ZBTB26: variants seen among roughly 807,000 people sequenced by gnomAD.
ZBTB26 encodes the protein zinc finger and BTB domain-containing protein 26.
In ZBTB26, 12 loss-of-function variants were observed where a neutral mutation model predicts 31.6. The ratio of observed to expected loss-of-function variants is 0.38; its 90% CI spans 0.24 to 0.61. The LOEUF is 0.61. ZBTB26 is among the 20% of genes least tolerant of loss of function. ZBTB26 has a pLI of 0.60. For synonymous variants in ZBTB26, 155 were observed against 182.9 expected (o/e 0.85, Z 1.23); for missense variants, 311 against 521.9 (o/e 0.60, Z 3.94).
chr9:122,922,818 G>A (rs528865544), intron 1 of ZBTB26, among the ~76,000 whole-genome samples: 48 of 152,222 alleles, frequency 3.2e-4, no homozygotes, highest in Non-Finnish European at 4.6e-4. Context: ...CTTGGTAACT[G>A]ACTGGATATA....
rs1389390319 is a variant in ZBTB26, at chr9:122,926,519, A to AG, written c.-11+4917_-11+4918insC. Among the ~76,000 whole-genome samples the AG allele has an allele frequency of 5.9e-3, 893 of 152,168 alleles. 13 individuals carry two copies. The highest frequency in any genetic ancestry group is 0.017 in the Middle Eastern group (5 of 294). The stretch of plus-strand genomic sequence containing the variant: ...GAGACTCCGTCTCAAAAAAAAAAAA[A>AG]AAAAAAATTGTGTAACTCTTCAGAT... On this transcript the variant is annotated intron_variant, in intron 1 of 1. Coordinates refer to ENST00000373656, the MANE Select transcript of ZBTB26 (RefSeq NM_020924.4).
chr9:122,918,774 C>T lies in ZBTB26; in HGVS notation c.1161G>A (p.Glu387=). 1 of 1,614,178 alleles carries T rather than the reference C, an allele frequency of 6.2e-7. No homozygotes were observed. The highest frequency in any genetic ancestry group is 1.7e-5 in the Admixed American group (1 of 60,028). ...HGKNSFDNAN[E]RNVQDLTVDF... is the part of the protein sequence containing the mutation. ...CCACTGTGAGGTCTTGTACATTTCTCTCATTGGCATTATCAAAGCTGTTTT... is the reference window on the plus strand; with the variant it reads ...CCACTGTGAGGTCTTGTACATTTCTTTCATTGGCATTATCAAAGCTGTTTT... The change falls in exon 2 of 2, where the codon GAG becomes GAA. Residue 387 remains glutamate (E), a synonymous_variant. Transcript: ENST00000373656.
rs747515219 is a variant in ZBTB26 at position 122,919,050 on chromosome 9, G to A, written c.885C>T (p.His295=). The A allele has an allele frequency of 6.2e-7, 1 of 1,614,244 alleles. No individual in the cohort carries two copies. The highest frequency in any genetic ancestry group is 1.1e-5 in the South Asian group (1 of 91,088). The part of the protein sequence containing the change: ...LENYANHLKM[H]KLFMCLLCGK... ...CGCAGAGTAGACACATAAAGAGTTT[G>A]TGCATTTTTAAATGGTTGGCGTAGT... is the stretch of plus-strand genomic sequence containing the variant. Residue 295 remains histidine, a synonymous_variant, in exon 2 of 2, where the codon CAC becomes CAT. Transcript: ENST00000373656. The surrounding 1 kb of genome is among the most constrained non-coding windows in gnomAD (Gnocchi z 6.1).
In ZBTB26 at chr9:122,919,152, A is replaced by G. The variant is rs140608314; in HGVS notation, c.783T>C (p.Asn261=). 5.9e-5 allele frequency: 96 copies of G among 1,614,198 alleles called. 1 individual carries two copies. The African/African-American group carries it at 1.1e-3, about 19-fold the overall frequency. The change falls in exon 2 of 2, where the codon AAT becomes AAC. Residue 261 remains asparagine (N), a synonymous_variant. Coordinates refer to ENST00000373656, the MANE Select transcript of ZBTB26 (RefSeq NM_020924.4). The surrounding 1 kb of genome is among the most constrained non-coding windows in gnomAD (Gnocchi z 6.1). ...IMASKDVFGP[N]IRGVDKGLQW... is the part of the protein sequence containing the mutation. ...GTAGGCCTTTGTCTACACCTCGAAT[A>G]TTAGGGCCAAAGACATCTTTTGAGG...
intron 1 of ZBTB26, chr9:122,931,234 G>A (rs1833279329): frequency 6.5e-6 from 1 of 152,784 alleles, no homozygotes; most frequent in Admixed American, 6.5e-5. Context: ...GGCATCCTCA[G>A]GCTCCCCACT....
In ZBTB26 at chr9:122,918,650, C is replaced by T. The variant is rs1319397646; in HGVS notation, c.1285G>A (p.Ala429Thr). 6.2e-7 allele frequency: 1 copy of T among 1,613,978 alleles called. No homozygotes were observed. The highest frequency in any genetic ancestry group is 8.5e-7 in the Non-Finnish European group (1 of 1,179,982). ...CTATCATTTCTTAAGTTCAGGACAG[C>T]TTGGGCCAGTTTACCTGCATCCAGG... ...QVLDAGKLAQ[A>T]VLNLRNDSTC... Residue 429 changes from alanine (A) to threonine (T), a missense_variant, in exon 2 of 2, where the codon GCT becomes ACT. Physicochemically the swap from Ala to Thr is moderately conservative, Grantham distance 58 (BLOSUM62 0). Coordinates refer to ENST00000373656, the MANE Select transcript of ZBTB26 (RefSeq NM_020924.4).
Position 122,917,988 on chromosome 9 carries a change from G to A in ZBTB26, c.*621C>T, listed in dbSNP as rs1833037341. Reference sequence around the variant, plus strand: ...GGTGTTCCTCAAGAGAGAGTACTCTGGTATATGTGAACAATTCAATGAGAT... The same window carrying A: ...GGTGTTCCTCAAGAGAGAGTACTCTAGTATATGTGAACAATTCAATGAGAT... On this transcript the variant is annotated 3_prime_UTR_variant, in exon 2 of 2. Transcript: ENST00000373656. The A allele has an allele frequency of 6.5e-6, 1 of 152,810 alleles. No homozygotes were observed. The highest frequency in any genetic ancestry group is 2.4e-5 in the African/African-American group (1 of 41,426). The allele number at this position is 152,810 out of a possible 1,614,324, so 9.5% of individuals were successfully genotyped here.
intron 1 of ZBTB26, among the ~76,000 whole-genome samples, chr9:122,920,364 C>T (rs1007578930): frequency 6.6e-6 from 1 of 152,148 alleles, no homozygotes; most frequent in Non-Finnish European, 1.5e-5. Flanking sequence ...CCTGCTTCTT[C>T]TAAGGCAAAA....
At chr9:122,930,924 G>A (rs529304958) in intron 1 of ZBTB26, 1 of 152,292 alleles carries the variant, frequency 6.6e-6, no homozygotes, top group Non-Finnish European at 1.5e-5. Flanking sequence ...GTTCAGATCT[G>A]GCTCCCAAAC....
At chr9:122,927,196 T>C (rs530434302) in intron 1 of ZBTB26, among the ~76,000 whole-genome samples, 17 of 152,346 alleles carry the variant, frequency 1.1e-4, no homozygotes, top group Non-Finnish European at 2.1e-4. Context: ...TTTTGAATGA[T>C]ATTTCTCAAA....
At chr9:122,925,982 A>T (rs1205497999) in intron 1 of ZBTB26, among the ~76,000 whole-genome samples, 1 of 151,382 alleles carries the variant, frequency 6.6e-6, no homozygotes, top group African/African-American at 2.4e-5. Flanking sequence ...CTGGTCTCGA[A>T]CTCCCGACCC....
chr9:122,923,811 C>T (rs555561094), intron 1 of ZBTB26, among the ~76,000 whole-genome samples: 1 of 152,278 alleles, frequency 6.6e-6, no homozygotes, highest in South Asian at 2.1e-4. Flanking sequence ...TTCATTTAGT[C>T]ATGTGTCATA....
rs1833056789 is a variant in ZBTB26, at chr9:122,919,034, G to C, written c.901C>G (p.Leu301Val). 6.2e-7 allele frequency: 1 copy of C among 1,614,206 alleles called. No homozygotes were observed. The highest frequency in any genetic ancestry group is 1.7e-5 in the Admixed American group (1 of 60,026). The part of the protein sequence containing the change: ...HLKMHKLFMC[L>V]LCGKTFTQKG... ...TGAGTGAAAGTCTTGCCGCAGAGTA[G>C]ACACATAAAGAGTTTGTGCATTTTT... Residue 301 changes from leucine to valine, a missense_variant, in exon 2 of 2, where the codon CTA (leucine) becomes GTA (valine). Physicochemically the swap from Leu to Val is conservative, Grantham distance 32. This residue lies in a region of ZBTB26 where 207 missense variants were observed against 298.6 expected (regional missense o/e 0.69). Transcript: ENST00000373656. This position sits in a 1 kb window ranked among gnomAD's most constrained non-coding sequence, Gnocchi z 6.1.
At chr9:122,926,319 G>C (rs1003705852) in intron 1 of ZBTB26, among the ~76,000 whole-genome samples, 2 of 151,854 alleles carry the variant, frequency 1.3e-5, no homozygotes, top group Non-Finnish European at 2.9e-5. Context: ...TCGAGACCAC[G>C]GTGAAACCCC....
intron 1 of ZBTB26, among the ~76,000 whole-genome samples, chr9:122,921,990 A>G (rs186119829): frequency 4.1e-3 from 631 of 152,264 alleles, no homozygotes; most frequent in Non-Finnish European, 7.0e-3. Flanking sequence ...CTGTTATCCC[A>G]GCACTTTGGG....
chr9:122,927,822 TTATTTATTTATA>T (rs1270444980), intron 1 of ZBTB26, among the ~76,000 whole-genome samples: 2 of 152,064 alleles, frequency 1.3e-5, no homozygotes, highest in African/African-American at 4.8e-5. Flanking sequence ...TGCATTTTGT[TTATTTATTTATA>T]TATTTATTTA....
At chr9:122,924,179 A>G (rs1483829490) in intron 1 of ZBTB26, among the ~76,000 whole-genome samples, 1 of 152,208 alleles carries the variant, frequency 6.6e-6, no homozygotes, top group Non-Finnish European at 1.5e-5. Context: ...ATTATCAACA[A>G]CAGCAGCCAA....
intron 1 of ZBTB26, among the ~76,000 whole-genome samples, chr9:122,920,509 A>G (rs546544907): frequency 2.6e-5 from 4 of 152,328 alleles, no homozygotes; most frequent in South Asian, 2.1e-4. Flanking sequence ...TTTGCTCTAT[A>G]TTTTAAACAA....
In ZBTB26 at chr9:122,925,247, C is replaced by T. The variant is rs1588131369; in HGVS notation, c.-10-5303G>A. On this transcript the variant is annotated intron_variant, in intron 1 of 1. Coordinates refer to ENST00000373656, the MANE Select transcript of ZBTB26 (RefSeq NM_020924.4). ...AATTAGCTGGGCGTGGTGTCATGCGCCTGTAGTCCCAGCTTCTTGGGAGGC... is the reference window on the plus strand; with the variant it reads ...AATTAGCTGGGCGTGGTGTCATGCGTCTGTAGTCCCAGCTTCTTGGGAGGC... Among the ~76,000 whole-genome samples the T allele has an allele frequency of 2.0e-5, 3 of 152,152 alleles. No homozygotes were observed. In the East Asian group the frequency reaches 5.8e-4, roughly 30 times the overall value.
Sources: allele counts gnomAD v4.1 joint callset (sites outside exome capture counted in the v4.1 genomes callset), GRCh38; gene constraint gnomAD v4.1.1; regional missense constraint gnomAD v4.1.1; non-coding constraint Gnocchi (gnomAD v3.1); transcripts MANE v1.5; gene names NCBI Gene and HGNC (gene_info 2026-07-23, HGNC 2026-07-21).